The following POU6F2 variants were observed in gnomAD, a reference collection of about 807,000 sequenced individuals.
The protein encoded by POU6F2 is POU domain, class 6, transcription factor 2.
In POU6F2, 31 loss-of-function variants were observed where a neutral mutation model predicts 71.3. The observed-to-expected ratio is 0.43, with a 90% CI of 0.33 to 0.59. POU6F2 has a LOEUF of 0.59. POU6F2 is among the 20% of genes least tolerant of loss of function. The probability of loss-of-function intolerance (pLI) is 0.04; values close to 1 mark genes in which losing one functional copy is unlikely to be tolerated. For missense variants in POU6F2, 783 were observed against 856.8 expected, an observed-to-expected ratio of 0.91 and a Z score of 1.07; for synonymous variants, 347 against 355.7, an observed-to-expected ratio of 0.98 and a Z score of 0.27.
At chr7:39,448,462 A>C (rs918597041) in intron 7 of POU6F2, among the ~76,000 whole-genome samples, 1 of 152,228 alleles carries the variant, frequency 6.6e-6, no homozygotes, top group African/African-American at 2.4e-5. Context: ...GTCCTAAAAT[A>C]AATGATTATT....
At chr7:39,089,273 T>C (rs1791316364) in intron 2 of POU6F2, among the ~76,000 whole-genome samples, 1 of 152,222 alleles carries the variant, frequency 6.6e-6, no homozygotes, top group Non-Finnish European at 1.5e-5. Context: ...TTTATTCTTC[T>C]AAAGCCTGTA....
At chr7:39,101,434 T>C (rs1791570181) in intron 2 of POU6F2, among the ~76,000 whole-genome samples, 1 of 149,260 alleles carries the variant, frequency 6.7e-6, no homozygotes, top group South Asian at 2.2e-4. Context: ...AGAATTGCTT[T>C]TTCTAGGCAA....
chr7:39,392,602 G>A (rs1787095263), intron 5 of POU6F2, among the ~76,000 whole-genome samples: 1 of 152,216 alleles, frequency 6.6e-6, no homozygotes, highest in Non-Finnish European at 1.5e-5. Flanking sequence ...TTTCGTCAGG[G>A]AAGGGTAACT....
chr7:39,347,501 C>T (rs779864028), intron 5 of POU6F2, among the ~76,000 whole-genome samples: 4 of 152,088 alleles, frequency 2.6e-5, no homozygotes, highest in Non-Finnish European at 5.9e-5. Context: ...AGCTGTGGAG[C>T]TCCAAGGGGT....
intron 4 of POU6F2, among the ~76,000 whole-genome samples, chr7:39,331,673 A>G (rs1280716251): frequency 6.6e-6 from 1 of 151,972 alleles, no homozygotes; most frequent in African/African-American, 2.4e-5. Context: ...ACGCCCAGCT[A>G]ATTTTTGTAT....
intron 2 of POU6F2, among the ~76,000 whole-genome samples, chr7:39,167,253 T>G (rs1793133390): frequency 6.6e-6 from 1 of 152,212 alleles, no homozygotes; most frequent in African/African-American, 2.4e-5. Flanking sequence ...ATGCATGTTA[T>G]TAAAAACTTT....
At chr7:38,989,827 T>G (rs189906209) in intron 1 of POU6F2, among the ~76,000 whole-genome samples, 29,423 of 129,990 alleles carry the variant, frequency 0.23, 3,358 homozygotes, top group Non-Finnish European at 0.31. Context: ...GTGTGTGTGT[T>G]TGTGTGTGTG....
At chr7:39,308,319 A>G (rs1785086223) in intron 4 of POU6F2, among the ~76,000 whole-genome samples, 1 of 152,208 alleles carries the variant, frequency 6.6e-6, no homozygotes, top group South Asian at 2.1e-4. Context: ...CAATGTGGAA[A>G]AAGACAACAG....
intron 5 of POU6F2, among the ~76,000 whole-genome samples, chr7:39,382,437 G>C (rs1419091498): frequency 6.6e-6 from 1 of 152,182 alleles, no homozygotes; most frequent in African/African-American, 2.4e-5. Context: ...TAGAGGAACC[G>C]AGGCAGGCGA....
Position 39,123,778 on chromosome 7 carries a change from GT to G in POU6F2, c.277+37758del, listed in dbSNP as rs557926300. Reference sequence around the variant, plus strand: ...TTACCTTCCCTTGATCTGATCTTTGGTTTTTTTTTTTATTCTTTATTTTATT... The same window carrying G: ...TTACCTTCCCTTGATCTGATCTTTGGTTTTTTTTTTATTCTTTATTTTATT... On this transcript the variant is annotated intron_variant, in intron 2 of 9. Transcript: ENST00000518318. Among the ~76,000 whole-genome samples, 1,072 of 145,002 alleles carry G rather than the reference GT, an allele frequency of 7.4e-3. 13 individuals carry two copies. The highest frequency in any genetic ancestry group is 0.025 in the African/African-American group (991 of 39,794).
rs147462218 is a variant in POU6F2 at position 39,316,403 on chromosome 7, G to A, written c.599-23239G>A. Among the ~76,000 whole-genome samples, 25 of 152,236 alleles carry A rather than the reference G, an allele frequency of 1.6e-4. No individual in the cohort carries two copies. The East Asian group carries it at 3.1e-3, about 19-fold the overall frequency. On this transcript the variant is annotated intron_variant, in intron 4 of 9. Transcript: ENST00000518318. ...CCAACATATCCAGGGACCCACATGC[G>A]AATACCTGACAGTAAAGGGTTTGGA...
chr7:39,287,407 A>C (rs2128761229), intron 4 of POU6F2, among the ~76,000 whole-genome samples: 1 of 152,266 alleles, frequency 6.6e-6, no homozygotes, highest in East Asian at 1.9e-4. Context: ...AACGCCTTAA[A>C]GCTAACGTCC....
At chr7:39,190,911 A>G (rs1793651052) in intron 2 of POU6F2, among the ~76,000 whole-genome samples, 1 of 152,106 alleles carries the variant, frequency 6.6e-6, no homozygotes, top group African/African-American at 2.4e-5. Flanking sequence ...CTGGGATTAC[A>G]GGCATGAACC....
intron 1 of POU6F2, among the ~76,000 whole-genome samples, chr7:39,055,988 T>C (rs946975222): frequency 7.3e-5 from 11 of 149,964 alleles, no homozygotes; most frequent in African/African-American, 2.7e-4. Context: ...AGATGACTCA[T>C]CTATCAATAT....
At chr7:39,344,875 A>G (rs572012384) in intron 5 of POU6F2, among the ~76,000 whole-genome samples, 99 of 152,296 alleles carry the variant, frequency 6.5e-4, no homozygotes, top group African/African-American at 2.2e-3. Context: ...TACTGTAAAT[A>G]TAGAACTCAG....
intron 4 of POU6F2, among the ~76,000 whole-genome samples, chr7:39,210,594 A>G (rs532724252): frequency 6.6e-6 from 1 of 152,326 alleles, no homozygotes; most frequent in African/African-American, 2.4e-5. Context: ...ATGAGCACTC[A>G]TGACATGCTG....
intron 4 of POU6F2, among the ~76,000 whole-genome samples, chr7:39,228,228 T>C (rs1409661994): frequency 6.6e-6 from 1 of 152,226 alleles, no homozygotes; most frequent in East Asian, 1.9e-4. Flanking sequence ...TGTTTTTGTG[T>C]AGGTTTGATG....
intron 2 of POU6F2, among the ~76,000 whole-genome samples, chr7:39,135,785 A>T (rs774768832): frequency 6.6e-6 from 1 of 152,196 alleles, no homozygotes; most frequent in Non-Finnish European, 1.5e-5. Context: ...GTTCCAGTAA[A>T]TACAATAAAC....
chr7:39,433,170 C>G lies in POU6F2; in HGVS notation c.1207C>G (p.Gln403Glu). ...QGLQVQPITP[Q>E]LLTNAQGQII... ...CTTGCAAGTGCAGCCAATCACCCCCCAGCTCCTCACAAACGCCCAGGGCCA... is the reference window on the plus strand; with the variant it reads ...CTTGCAAGTGCAGCCAATCACCCCCGAGCTCCTCACAAACGCCCAGGGCCA... Residue 403 changes from glutamine to glutamate, a missense_variant, in exon 7 of 10, where the codon CAG becomes GAG. Physicochemically the swap from Gln to Glu is conservative, Grantham distance 29. Transcript: ENST00000518318. 1 of 1,613,926 alleles carries G rather than the reference C, an allele frequency of 6.2e-7. No homozygotes were observed.
Sources: allele counts gnomAD v4.1 joint callset (sites outside exome capture counted in the v4.1 genomes callset), GRCh38; gene constraint gnomAD v4.1.1; transcripts MANE v1.5; gene names NCBI Gene and HGNC (gene_info 2026-07-23, HGNC 2026-07-21).